The following ENTREP2 variants were observed in gnomAD, a reference collection of about 807,000 sequenced individuals.
The protein encoded by ENTREP2 is endosomal transmembrane epsin interactor 2.
chr15:29,452,100 T>C, the ENTREP2 span, among the ~76,000 whole-genome samples: 5 of 152,372 alleles, frequency 3.3e-5, no homozygotes, highest in East Asian at 5.8e-4. Flanking sequence ...CTTTTCTATA[T>C]AGACAACTCT....
the ENTREP2 span, among the ~76,000 whole-genome samples, chr15:29,552,375 A>G: frequency 7.9e-5 from 12 of 152,192 alleles, no homozygotes; most frequent in Non-Finnish European, 1.5e-4. Flanking sequence ...CACTGGAAAA[A>G]CTAAAAGTAG....
chr15:29,569,142 G>T, the ENTREP2 span, among the ~76,000 whole-genome samples: 2 of 152,150 alleles, frequency 1.3e-5, no homozygotes, highest in Non-Finnish European at 2.9e-5. Context: ...TTAAATCATG[G>T]CTCCCGTGTG....
At chr15:29,319,446 T>G in the ENTREP2 span, among the ~76,000 whole-genome samples, 1 of 152,196 alleles carries the variant, frequency 6.6e-6, no homozygotes, top group South Asian at 2.1e-4. Flanking sequence ...ACTGCTGCCA[T>G]CAGTCCAATG....
chr15:29,290,354 G>A, the ENTREP2 span, among the ~76,000 whole-genome samples: 864 of 152,252 alleles, frequency 5.7e-3, 5 homozygotes, highest in Non-Finnish European at 8.9e-3. Flanking sequence ...AGAATCACGC[G>A]GCTCACTCCC....
chr15:29,323,467 TCTC>T, the ENTREP2 span, among the ~76,000 whole-genome samples: 1 of 152,076 alleles, frequency 6.6e-6, no homozygotes, highest in Non-Finnish European at 1.5e-5. Context: ...ACCCTATACA[TCTC>T]CTCATCGGTG....
At chr15:29,628,365 T>C in the ENTREP2 span, among the ~76,000 whole-genome samples, 1 of 152,232 alleles carries the variant, frequency 6.6e-6, no homozygotes, top group African/African-American at 2.4e-5. Context: ...GAGTTCTTTA[T>C]ATATTCAGGA....
chr15:29,528,932 T>C, the ENTREP2 span, among the ~76,000 whole-genome samples: 1 of 151,990 alleles, frequency 6.6e-6, no homozygotes, highest in Admixed American at 6.6e-5. Context: ...TCAAGTGATA[T>C]GTATTGTTTT....
the ENTREP2 span, among the ~76,000 whole-genome samples, chr15:29,408,790 A>T: frequency 6.6e-6 from 1 of 152,200 alleles, no homozygotes; most frequent in African/African-American, 2.4e-5. Context: ...GAAAAGTACA[A>T]AAATAAGAAT....
the ENTREP2 span, among the ~76,000 whole-genome samples, chr15:29,555,651 C>A: frequency 3.7e-4 from 57 of 152,262 alleles, no homozygotes; most frequent in African/African-American, 1.3e-3. Flanking sequence ...ATTCCCAGAT[C>A]CCCCACCTGC....
chr15:29,253,747 GTCTC>G, the ENTREP2 span, among the ~76,000 whole-genome samples: 1 of 151,772 alleles, frequency 6.6e-6, no homozygotes, highest in African/African-American at 2.4e-5. Context: ...GGCCAATATT[GTCTC>G]TCTTTTTGTG....
chr15:29,504,246 C>T, the ENTREP2 span, among the ~76,000 whole-genome samples: 23 of 152,130 alleles, frequency 1.5e-4, no homozygotes, highest in African/African-American at 5.1e-4. Context: ...ACAGGCTAAA[C>T]GGTCAGCAAC....
At chr15:29,391,309 A>G in the ENTREP2 span, among the ~76,000 whole-genome samples, 2 of 151,416 alleles carry the variant, frequency 1.3e-5, no homozygotes, top group East Asian at 3.9e-4. Flanking sequence ...CATCCTCCAC[A>G]CCATTTCCCT....
At chr15:29,231,510 T>C in the ENTREP2 span, among the ~76,000 whole-genome samples, 5 of 152,186 alleles carry the variant, frequency 3.3e-5, no homozygotes, top group Admixed American at 1.3e-4. Flanking sequence ...TTCAATGTAA[T>C]GCTATGAAAA....
the ENTREP2 span, among the ~76,000 whole-genome samples, chr15:29,366,977 G>C: frequency 6.6e-6 from 1 of 152,156 alleles, no homozygotes; most frequent in African/African-American, 2.4e-5. Flanking sequence ...AAGATATTTG[G>C]AGAGAGATGA....
chr15:29,317,266 T>C, the ENTREP2 span, among the ~76,000 whole-genome samples: 1 of 152,202 alleles, frequency 6.6e-6, no homozygotes, highest in Non-Finnish European at 1.5e-5. Context: ...AACATTTAAT[T>C]TGTGGGACCG....
the ENTREP2 span, among the ~76,000 whole-genome samples, chr15:29,633,517 T>C: frequency 6.6e-6 from 1 of 151,928 alleles, no homozygotes; most frequent in East Asian, 1.9e-4. Flanking sequence ...TTCAGTGTTT[T>C]TAAAAGGGCC....
chr15:29,455,099 C>T, the ENTREP2 span, among the ~76,000 whole-genome samples: 1 of 152,158 alleles, frequency 6.6e-6, no homozygotes, highest in African/African-American at 2.4e-5. Flanking sequence ...AGGAGCCTGC[C>T]TCTTACAACT....
chr15:29,626,921 T>C, the ENTREP2 span, among the ~76,000 whole-genome samples: 1 of 152,210 alleles, frequency 6.6e-6, no homozygotes, highest in African/African-American at 2.4e-5. Flanking sequence ...ACTGTCTTTA[T>C]TGTTGCCAGT....
the ENTREP2 span, chr15:29,128,918 A>C: frequency 2.3e-5 from 29 of 1,263,686 alleles, no homozygotes; most frequent in East Asian, 6.6e-4. Context: ...AACGCAGCAC[A>C]GCAGCCTCCA....
Sources: gnomAD v4.1 joint callset for allele counts (sites outside exome capture counted in the v4.1 genomes callset) on GRCh38, gnomAD v4.1.1 for gene constraint, MANE v1.5 for transcripts, NCBI Gene and HGNC (gene_info 2026-07-23, HGNC 2026-07-21) for gene names.